The following XKR4 variants were observed in gnomAD, a reference collection of about 807,000 sequenced individuals.
The protein encoded by XKR4 is XK related 4.
In XKR4, 12 loss-of-function variants were observed where a neutral mutation model predicts 53.9. The ratio of observed to expected loss-of-function variants is 0.22; its 90% CI spans 0.14 to 0.36. The LOEUF is 0.36. Among genes scored for constraint, XKR4 ranks in the 10% least tolerant of loss-of-function variants. The pLI, the probability that XKR4 is intolerant of heterozygous loss-of-function variation, is 1.00. For synonymous variants in XKR4, 354 were observed against 362.4 expected, an observed-to-expected ratio of 0.98 and a Z score of 0.26; for missense variants, 799 against 859.5, an observed-to-expected ratio of 0.93 and a Z score of 0.88.
intron 1 of XKR4, among the ~76,000 whole-genome samples, chr8:55,120,178 C>T (rs1816371293): frequency 6.6e-6 from 1 of 152,188 alleles, no homozygotes; most frequent in South Asian, 2.1e-4. Context: ...GCTTAACCAA[C>T]CTCCTGTGCC....
At chr8:55,320,620 C>A (rs1563323659) in intron 1 of XKR4, among the ~76,000 whole-genome samples, 1 of 152,142 alleles carries the variant, frequency 6.6e-6, no homozygotes, top group Non-Finnish European at 1.5e-5. Flanking sequence ...TGCCTCAGAT[C>A]CTAACATGAT....
At chr8:55,347,329 C>A (rs1197292685) in intron 1 of XKR4, among the ~76,000 whole-genome samples, 2 of 152,146 alleles carry the variant, frequency 1.3e-5, no homozygotes, top group African/African-American at 4.8e-5. Flanking sequence ...TCTCACTGGA[C>A]TTGATTTTGT....
chr8:55,365,154 AC>A (rs1351579240), intron 2 of XKR4, among the ~76,000 whole-genome samples: 3 of 152,058 alleles, frequency 2.0e-5, no homozygotes, highest in Non-Finnish European at 4.4e-5. Context: ...CCCTGGGAGG[AC>A]CTTTTGGCTG....
At chr8:55,319,579 A>C (rs1268805349) in intron 1 of XKR4, among the ~76,000 whole-genome samples, 2 of 152,230 alleles carry the variant, frequency 1.3e-5, no homozygotes, top group Non-Finnish European at 2.9e-5. Context: ...GCTGGCCTTC[A>C]AAGATGAATA....
intron 2 of XKR4, among the ~76,000 whole-genome samples, chr8:55,500,579 C>T (rs970867655): frequency 1.3e-5 from 2 of 152,164 alleles, no homozygotes; most frequent in African/African-American, 4.8e-5. Flanking sequence ...CTAAACCACC[C>T]TCCTCTGTCC....
At chr8:55,341,707 C>G (rs1477900690) in intron 1 of XKR4, among the ~76,000 whole-genome samples, 1 of 152,214 alleles carries the variant, frequency 6.6e-6, no homozygotes, top group African/African-American at 2.4e-5. Context: ...TCCTCCTAAC[C>G]CCATAGGTGG....
intron 1 of XKR4, among the ~76,000 whole-genome samples, chr8:55,198,661 T>C (rs1817535219): frequency 6.6e-6 from 1 of 152,166 alleles, no homozygotes; most frequent in Admixed American, 6.5e-5. Flanking sequence ...AAAATTATGT[T>C]CATATCTTAG....
chr8:55,300,338 A>T (rs773990895), intron 1 of XKR4, among the ~76,000 whole-genome samples: 4 of 152,176 alleles, frequency 2.6e-5, no homozygotes, highest in Non-Finnish European at 5.9e-5. Context: ...GTGAAAATGA[A>T]GGCATTATAA....
chr8:55,285,665 C>T (rs1818898855), intron 1 of XKR4, among the ~76,000 whole-genome samples: 1 of 152,200 alleles, frequency 6.6e-6, no homozygotes, highest in African/African-American at 2.4e-5. Context: ...TACTTCCATA[C>T]TGTACACATT....
intron 1 of XKR4, among the ~76,000 whole-genome samples, chr8:55,113,717 G>A (rs557953542): frequency 2.0e-5 from 3 of 152,160 alleles, no homozygotes; most frequent in African/African-American, 4.8e-5. Context: ...TTCATTCCTC[G>A]TGCCCCTTCC....
chr8:55,455,457 C>T (rs986205745), intron 2 of XKR4, among the ~76,000 whole-genome samples: 1 of 152,224 alleles, frequency 6.6e-6, no homozygotes, highest in African/African-American at 2.4e-5. Flanking sequence ...AAGTTCAACA[C>T]GGAATTCATA....
chr8:55,321,708 G>A (rs2129379497), intron 1 of XKR4, among the ~76,000 whole-genome samples: 1 of 152,260 alleles, frequency 6.6e-6, no homozygotes, highest in South Asian at 2.1e-4. Context: ...AACATATCTT[G>A]GGCCGGGCAT....
intron 1 of XKR4, among the ~76,000 whole-genome samples, chr8:55,238,208 CT>C (rs111844299): frequency 5.8e-4 from 88 of 152,284 alleles, no homozygotes; most frequent in African/African-American, 2.0e-3. Flanking sequence ...ACATGTACAG[CT>C]ATGCGCCAAG....
At position 55,165,579 on chromosome 8, in the gene XKR4, G is replaced by A. The variant is rs539461577; in HGVS notation, c.806+62285G>A. ...TTGTGGTGTCATAATCAACATCAGCGAAGAGGGGTTTCAAACTCTTAGTGA... is the reference window on the plus strand; with the variant it reads ...TTGTGGTGTCATAATCAACATCAGCAAAGAGGGGTTTCAAACTCTTAGTGA... On this transcript the variant is annotated intron_variant, in intron 1 of 2. Transcript: ENST00000327381. 1.6e-4 allele frequency among the ~76,000 whole-genome samples: 24 copies of A among 152,112 alleles called. No homozygotes were observed. The East Asian group carries it at 1.7e-3, about 11-fold the overall frequency.
intron 1 of XKR4, among the ~76,000 whole-genome samples, chr8:55,319,238 G>T (rs1206759492): frequency 6.6e-6 from 1 of 151,952 alleles, no homozygotes; most frequent in Non-Finnish European, 1.5e-5. Context: ...CAAAAGAAAA[G>T]TAAAACCTAG....
In XKR4 at chr8:55,444,677, T is replaced by G. The variant is rs192224272; in HGVS notation, c.1007-78604T>G. Among the ~76,000 whole-genome samples the G allele has an allele frequency of 1.3e-4, 20 of 152,212 alleles. No homozygotes were observed. The East Asian group carries it at 3.9e-3, about 29-fold the overall frequency. On this transcript the variant is annotated intron_variant, in intron 2 of 2. Coordinates refer to ENST00000327381, the MANE Select transcript of XKR4 (RefSeq NM_052898.2). ...TTTAAAAGTTACACAATGCCAAGGG[T>G]TGGTTAGTATGAGTAGTGACAGGGA...
intron 1 of XKR4, among the ~76,000 whole-genome samples, chr8:55,202,955 A>C (rs998450737): frequency 6.6e-6 from 1 of 152,126 alleles, no homozygotes; most frequent in East Asian, 1.9e-4. Context: ...CCACAGCTGG[A>C]GGGTTGGTTA....
intron 1 of XKR4, among the ~76,000 whole-genome samples, chr8:55,196,628 G>A (rs1427963139): frequency 1.3e-5 from 2 of 152,206 alleles, no homozygotes; most frequent in African/African-American, 4.8e-5. Flanking sequence ...TTAAGACATG[G>A]TTTGCTTAAA....
chr8:55,427,643 C>G (rs182504226), intron 2 of XKR4, among the ~76,000 whole-genome samples: 91 of 152,298 alleles, frequency 6.0e-4, no homozygotes, highest in Middle Eastern at 3.4e-3. Flanking sequence ...ATAGTAAGCT[C>G]TGTGTAATTG....
Sources: gnomAD v4.1 joint callset for allele counts (sites outside exome capture counted in the v4.1 genomes callset) on GRCh38, gnomAD v4.1.1 for gene constraint, MANE v1.5 for transcripts, NCBI Gene and HGNC (gene_info 2026-07-23, HGNC 2026-07-21) for gene names.